The following STK32B variants were observed in gnomAD, a reference collection of about 807,000 sequenced individuals.
The protein encoded by STK32B is serine/threonine-protein kinase 32B.
A neutral mutation model predicts 52.6 loss-of-function variants in STK32B; 43 were observed. The observed-to-expected ratio is 0.82, with a 90% CI of 0.64 to 1.05. The LOEUF (loss-of-function observed/expected upper bound fraction) is 1.05, where lower values mean the gene tolerates loss of function less well. STK32B is among the 50% of genes least tolerant of loss of function. The pLI is 0.00. For synonymous variants in STK32B, 238 were observed against 204.3 expected (o/e 1.17, Z -1.41); for missense variants, 621 against 534.6 (o/e 1.16, Z -1.59).
chr4:5,414,135 C>T (rs1409292204), intron 5 of STK32B, among the ~76,000 whole-genome samples: 1 of 152,108 alleles, frequency 6.6e-6, no homozygotes, highest in African/African-American at 2.4e-5. Flanking sequence ...TACAGACATC[C>T]TATGGAATAC....
chr4:5,043,863 G>A, the STK32B span, among the ~76,000 whole-genome samples: 1 of 152,248 alleles, frequency 6.6e-6, no homozygotes, highest in Non-Finnish European at 1.5e-5. Flanking sequence ...CGGGCTCCCA[G>A]CCCAGTGTCT....
In STK32B at chr4:5,372,686, A is replaced by G. The variant is rs189963304; in HGVS notation, c.435-25521A>G. ...TCATTACAGTAATAACTGCATCTAC[A>G]CACTTCGAGCTCGTGGCCTCAGCAG... On this transcript the variant is annotated intron_variant, in intron 4 of 11. Transcript: ENST00000282908. Among the ~76,000 whole-genome samples the G allele has an allele frequency of 3.7e-5, 5 of 136,058 alleles. No homozygotes were observed. The East Asian group carries it at 1.0e-3, about 28-fold the overall frequency. 89.3% of individuals were successfully genotyped at this position (136,058 alleles called of 152,430 possible).
intron 3 of STK32B, among the ~76,000 whole-genome samples, chr4:5,255,302 G>A (rs535219128): frequency 1.1e-4 from 17 of 152,272 alleles, no homozygotes; most frequent in African/African-American, 4.1e-4. Context: ...AAAATTTAAT[G>A]AGATTTGATG....
intron 1 of STK32B, among the ~76,000 whole-genome samples, chr4:5,090,929 A>C (rs2108783508): frequency 1.3e-5 from 2 of 152,354 alleles, no homozygotes; most frequent in South Asian, 4.1e-4. Flanking sequence ...TTTAAGGACA[A>C]ATAGAAAATC....
intron 3 of STK32B, among the ~76,000 whole-genome samples, chr4:5,174,570 T>G (rs942307726): frequency 2.6e-5 from 4 of 152,204 alleles, no homozygotes; most frequent in Non-Finnish European, 4.4e-5. Flanking sequence ...CAGCATAGTT[T>G]GGCGGGATAT....
intron 3 of STK32B, among the ~76,000 whole-genome samples, chr4:5,254,107 G>A (rs947256736): frequency 6.6e-6 from 1 of 152,162 alleles, no homozygotes; most frequent in African/African-American, 2.4e-5. Flanking sequence ...GTAGATAAAG[G>A]ACTACTGAGA....
chr4:5,401,530 C>G (rs1737290875), intron 5 of STK32B, among the ~76,000 whole-genome samples: 1 of 152,160 alleles, frequency 6.6e-6, no homozygotes, highest in Non-Finnish European at 1.5e-5. Context: ...TCTGATCTTT[C>G]AGGGTTTTAT....
At chr4:5,250,447 G>C (rs992691573) in intron 3 of STK32B, among the ~76,000 whole-genome samples, 1 of 151,604 alleles carries the variant, frequency 6.6e-6, no homozygotes, top group African/African-American at 2.4e-5. Flanking sequence ...TGAGTAGCTG[G>C]GATTACATGC....
rs529800545 is a variant in STK32B, at chr4:5,166,886, G to A, written c.109-1413G>A. 9.9e-5 allele frequency among the ~76,000 whole-genome samples: 15 copies of A among 152,158 alleles called. 1 individual carries two copies. In the South Asian group the frequency reaches 2.1e-3, roughly 21 times the overall value. On this transcript the variant is annotated intron_variant, in intron 2 of 11. Coordinates refer to ENST00000282908, the MANE Select transcript of STK32B (RefSeq NM_018401.3). ...GGAACCAATACAGTCCCTCCTCGGC[G>A]TGTTGGGAAGACTAGCTCATACAAT...
At chr4:5,475,128 T>C (rs912852097) in intron 11 of STK32B, among the ~76,000 whole-genome samples, 2 of 151,952 alleles carry the variant, frequency 1.3e-5, no homozygotes, top group African/African-American at 4.8e-5. Context: ...TAGGGCCCGG[T>C]TTAAAAAGTG....
chr4:5,331,452 AG>A, intron 4 of STK32B, 59 bp downstream of exon 4: 1 of 1,548,572 alleles, frequency 6.5e-7, no homozygotes, highest in South Asian at 1.2e-5. Context: ...GGGTGTCAGG[AG>A]CAGTCTGCAG....
chr4:5,451,125 G>A (rs1246744347), intron 7 of STK32B, among the ~76,000 whole-genome samples: 1 of 152,210 alleles, frequency 6.6e-6, no homozygotes, highest in African/African-American at 2.4e-5. Context: ...CTGGCACACA[G>A]GAGATGTGCG....
intron 4 of STK32B, among the ~76,000 whole-genome samples, chr4:5,362,960 C>T (rs1734645086): frequency 6.6e-6 from 1 of 152,204 alleles, no homozygotes; most frequent in South Asian, 2.1e-4. Flanking sequence ...CAAACTCAGG[C>T]ATTATGCCCT....
chr4:5,325,836 C>T (rs1017628895), intron 3 of STK32B, among the ~76,000 whole-genome samples: 2 of 152,130 alleles, frequency 1.3e-5, no homozygotes, highest in Non-Finnish European at 2.9e-5. Context: ...GAATATAATT[C>T]TAATTCTAAT....
chr4:5,074,684 A>G lies in STK32B; in HGVS notation c.52+22769A>G, dbSNP rs558594468. On this transcript the variant is annotated intron_variant, in intron 1 of 11. Coordinates refer to ENST00000282908, the MANE Select transcript of STK32B (RefSeq NM_018401.3). Reference sequence around the variant, plus strand: ...ATCATTTCAGAATGTTTTAATGAATATTACGCTATTTTATTCAATGAACTT... The same window carrying G: ...ATCATTTCAGAATGTTTTAATGAATGTTACGCTATTTTATTCAATGAACTT... 3.9e-5 allele frequency among the ~76,000 whole-genome samples: 6 copies of G among 152,254 alleles called. No individual in the cohort carries two copies. In the South Asian group the frequency reaches 1.2e-3, roughly 32 times the overall value.
At chr4:5,190,563 G>A (rs1721105083) in intron 3 of STK32B, among the ~76,000 whole-genome samples, 1 of 152,128 alleles carries the variant, frequency 6.6e-6, no homozygotes, top group African/African-American at 2.4e-5. Flanking sequence ...CCTAAGTACT[G>A]GTGATGTATG....
intron 3 of STK32B, among the ~76,000 whole-genome samples, chr4:5,216,793 C>T (rs1411608106): frequency 6.6e-6 from 1 of 152,154 alleles, no homozygotes; most frequent in African/African-American, 2.4e-5. Context: ...AAAACCCCAC[C>T]AGGTTTTAAA....
chr4:5,199,897 G>A (rs1721996587), intron 3 of STK32B, among the ~76,000 whole-genome samples: 1 of 152,092 alleles, frequency 6.6e-6, no homozygotes, highest in African/African-American at 2.4e-5. Context: ...TTTTCCTGGG[G>A]AACTAGAATG....
At chr4:5,274,283 A>G (rs10023138) in intron 3 of STK32B, among the ~76,000 whole-genome samples, 2,338 of 152,354 alleles carry the variant, frequency 0.015, 36 homozygotes, top group East Asian at 0.071. Flanking sequence ...GCCGAGACAC[A>G]CAAATAGATC....
Sources: allele counts gnomAD v4.1 joint callset (sites outside exome capture counted in the v4.1 genomes callset), GRCh38; gene constraint gnomAD v4.1.1; transcripts MANE v1.5; gene names NCBI Gene and HGNC (gene_info 2026-07-23, HGNC 2026-07-21).